GPC6: variants seen among roughly 807,000 people sequenced by gnomAD.
GPC6 encodes the protein glypican 6, also known as glypican-6.
Under a neutral mutation model 55.2 loss-of-function variants are expected in GPC6, and 14 were observed. The observed-to-expected ratio is 0.25, with a 90% confidence interval of 0.17 to 0.40. GPC6 has a LOEUF of 0.40. Ranked by LOEUF, GPC6 falls within the 10% of genes least tolerant of loss-of-function variation. The pLI, the probability that GPC6 is intolerant of heterozygous loss-of-function variation, is 1.00. For synonymous variants in GPC6, 278 were observed against 259.6 expected, an observed-to-expected ratio of 1.07 and a Z score of -0.68; for missense variants, 641 against 708.5, an observed-to-expected ratio of 0.90 and a Z score of 1.08.
At chr13:94,008,190 A>T (rs1297237502) in intron 3 of GPC6, among the ~76,000 whole-genome samples, 2 of 152,106 alleles carry the variant, frequency 1.3e-5, no homozygotes, top group East Asian at 3.9e-4. Flanking sequence ...ACCTTCAATG[A>T]CTCTGAACTT....
chr13:94,244,956 T>G (rs1450837513), intron 4 of GPC6, among the ~76,000 whole-genome samples: 1 of 152,058 alleles, frequency 6.6e-6, no homozygotes, highest in Non-Finnish European at 1.5e-5. Flanking sequence ...AGTAAAATGG[T>G]TACTATATAG....
intron 4 of GPC6, among the ~76,000 whole-genome samples, chr13:94,242,600 C>A (rs1891086738): frequency 6.6e-6 from 1 of 152,060 alleles, no homozygotes; most frequent in Non-Finnish European, 1.5e-5. Context: ...TCATTTTCAG[C>A]AGCCTTAATG....
intron 1 of GPC6, among the ~76,000 whole-genome samples, chr13:93,274,311 A>G (rs1194945014): frequency 6.6e-6 from 1 of 152,148 alleles, no homozygotes; most frequent in African/African-American, 2.4e-5. Context: ...ACAATGAGTA[A>G]TGTGTCATTG....
At chr13:94,009,361 CA>C (rs1882149650) in intron 3 of GPC6, among the ~76,000 whole-genome samples, 1 of 152,162 alleles carries the variant, frequency 6.6e-6, no homozygotes, top group Non-Finnish European at 1.5e-5. Context: ...GACCTGCTTG[CA>C]AAGGATCTTG....
At chr13:93,499,874 G>A (rs1880456239) in intron 1 of GPC6, among the ~76,000 whole-genome samples, 1 of 152,162 alleles carries the variant, frequency 6.6e-6, no homozygotes, top group Non-Finnish European at 1.5e-5. Flanking sequence ...TGAGCTTTTA[G>A]TATAGTAAAT....
chr13:94,093,813 G>A (rs1351073145), intron 4 of GPC6, among the ~76,000 whole-genome samples: 3 of 152,036 alleles, frequency 2.0e-5, no homozygotes, highest in Non-Finnish European at 4.4e-5. Context: ...AAGTTGTAAA[G>A]TGAAACCATC....
chr13:93,523,317 AAG>A (rs1306414939), intron 1 of GPC6, among the ~76,000 whole-genome samples: 2 of 148,934 alleles, frequency 1.3e-5, no homozygotes, highest in Admixed American at 6.7e-5. Context: ...TAATATTTAA[AAG>A]AGGATATATA....
intron 1 of GPC6, among the ~76,000 whole-genome samples, chr13:93,538,478 G>A (rs1882151833): frequency 1.3e-5 from 2 of 152,154 alleles, no homozygotes; most frequent in South Asian, 4.1e-4. Flanking sequence ...TGAAGAGACA[G>A]CAAGATAATT....
At chr13:93,436,075 C>A (rs940303944) in intron 1 of GPC6, among the ~76,000 whole-genome samples, 4 of 152,082 alleles carry the variant, frequency 2.6e-5, no homozygotes, top group African/African-American at 9.7e-5. Flanking sequence ...CTGTTTGAGA[C>A]CAATTGTAGA....
chr13:93,938,436 T>G (rs1316666687), intron 3 of GPC6, among the ~76,000 whole-genome samples: 1 of 152,204 alleles, frequency 6.6e-6, no homozygotes, highest in Non-Finnish European at 1.5e-5. Flanking sequence ...TCATAGATTC[T>G]TAAGGCTTTA....
chr13:94,001,734 A>G (rs1330548816), intron 3 of GPC6, among the ~76,000 whole-genome samples: 2 of 152,204 alleles, frequency 1.3e-5, no homozygotes, highest in Non-Finnish European at 2.9e-5. Context: ...TTTCATTGAA[A>G]TCTATAATGT....
At chr13:93,709,112 A>AT (rs1882956642) in intron 2 of GPC6, among the ~76,000 whole-genome samples, 1 of 151,842 alleles carries the variant, frequency 6.6e-6, no homozygotes, top group South Asian at 2.1e-4. Context: ...TTCCATTGCC[A>AT]TTTTTAGCAT....
At chr13:93,342,056 A>T (rs1447124668) in intron 1 of GPC6, among the ~76,000 whole-genome samples, 1 of 151,778 alleles carries the variant, frequency 6.6e-6, no homozygotes, top group Non-Finnish European at 1.5e-5. Context: ...TTTTTAGTAG[A>T]GACAGGGTTT....
intron 4 of GPC6, among the ~76,000 whole-genome samples, chr13:94,111,511 TAAAC>T (rs1338186586): frequency 6.8e-6 from 1 of 146,746 alleles, no homozygotes; most frequent in African/African-American, 2.5e-5. Context: ...ATAATAATAA[TAAAC>T]TTCTTAATTT....
chr13:93,461,312 G>A (rs887246435), intron 1 of GPC6, among the ~76,000 whole-genome samples: 2 of 151,980 alleles, frequency 1.3e-5, no homozygotes, highest in African/African-American at 2.4e-5. Context: ...TAGGAATATG[G>A]TTTTCATAAG....
At chr13:93,558,373 G>T (rs1044962827) in intron 2 of GPC6, among the ~76,000 whole-genome samples, 2 of 152,120 alleles carry the variant, frequency 1.3e-5, no homozygotes, top group Non-Finnish European at 2.9e-5. Flanking sequence ...ATGCTGATCG[G>T]TACCATGAAT....
intron 1 of GPC6, among the ~76,000 whole-genome samples, chr13:93,318,109 C>A (rs1229382395): frequency 1.3e-5 from 2 of 152,114 alleles, no homozygotes; most frequent in African/African-American, 4.8e-5. Context: ...TGGTACTTTA[C>A]ATTTTGTAGG....
chr13:93,458,846 C>A (rs191258827), intron 1 of GPC6, among the ~76,000 whole-genome samples: 37 of 152,168 alleles, frequency 2.4e-4, no homozygotes, highest in African/African-American at 7.7e-4. Context: ...CCACTCACAG[C>A]GGAGTTGTTG....
At chr13:94,031,781 A>C (rs182796694) in intron 4 of GPC6, among the ~76,000 whole-genome samples, 1 of 152,226 alleles carries the variant, frequency 6.6e-6, no homozygotes, top group Non-Finnish European at 1.5e-5. Flanking sequence ...AGTGTTTGGC[A>C]TTGTTATCAA....
Sources: allele counts gnomAD v4.1 joint callset (sites outside exome capture counted in the v4.1 genomes callset), GRCh38; gene constraint gnomAD v4.1.1; transcripts MANE v1.5; gene names NCBI Gene and HGNC (gene_info 2026-07-23, HGNC 2026-07-21).